Variants in CALD1 observed in about 807,000 individuals in gnomAD.
CALD1 encodes caldesmon 1.
Under a neutral mutation model 99.9 loss-of-function variants are expected in CALD1, and 33 were observed. The ratio of observed to expected loss-of-function variants is 0.33; its 90% confidence interval spans 0.25 to 0.44. CALD1 has a LOEUF of 0.44. CALD1 is among the 20% of genes least tolerant of loss of function. The probability of loss-of-function intolerance (pLI) is 1.00; values close to 1 mark genes in which losing one functional copy is unlikely to be tolerated. For synonymous variants in CALD1, 310 were observed against 325.0 expected (o/e 0.95, Z 0.50); for missense variants, 861 against 962.1 (o/e 0.89, Z 1.39).
intron 3 of CALD1, among the ~76,000 whole-genome samples, chr7:134,880,330 C>A (rs1002699434): frequency 4.6e-5 from 7 of 152,160 alleles, no homozygotes; most frequent in African/African-American, 1.7e-4. Context: ...CAGCAGTCAA[C>A]CCATTTTTTA....
intron 4 of CALD1, 60 bp downstream of exon 4, chr7:134,928,960 G>C (rs1805278428): frequency 7.0e-7 from 1 of 1,427,558 alleles, no homozygotes; most frequent in Non-Finnish European, 9.6e-7. Context: ...CCGTTGAATG[G>C]AATTTGTTGA....
chr7:134,759,338 GA>G (rs1224272168), intron 1 of CALD1, among the ~76,000 whole-genome samples: 1 of 152,196 alleles, frequency 6.6e-6, no homozygotes. Context: ...CAATAGGGGA[GA>G]ATGAGCACAA....
Position 134,958,132 on chromosome 7 carries a change from C to T in CALD1, c.1979+20C>T. 1 of 1,607,952 alleles carries T rather than the reference C, an allele frequency of 6.2e-7. No homozygotes were observed. The highest frequency in any genetic ancestry group is 8.5e-7 in the Non-Finnish European group (1 of 1,174,838). ...GAAAAGGTAAATATGCTTGATGGTT[C>T]AATTGAGCTAATCAGCTAGCATATG... On this transcript the variant is annotated intron_variant, in intron 10 of 14. Coordinates refer to ENST00000361675, the MANE Select transcript of CALD1 (RefSeq NM_033138.4).
At chr7:134,739,664 G>C (rs917680231), upstream of CALD1, among the ~76,000 whole-genome samples, 2 of 152,134 alleles carry the variant, frequency 1.3e-5, no homozygotes, top group Non-Finnish European at 2.9e-5. Flanking sequence ...AGAACAAGAG[G>C]AGAAGGAAGC....
intron 3 of CALD1, among the ~76,000 whole-genome samples, chr7:134,891,963 G>C (rs1242164815): frequency 1.3e-5 from 2 of 152,050 alleles, no homozygotes; most frequent in Non-Finnish European, 2.9e-5. Context: ...GGGTTTCTCC[G>C]TTTCAAATAC....
At position 134,969,311 on chromosome 7, in the gene CALD1, G is replaced by A. The variant is rs189723214; in HGVS notation, c.*966G>A. 2.6e-5 allele frequency: 4 copies of A among 152,272 alleles called. No individual in the cohort carries two copies. The East Asian group carries it at 7.7e-4, about 29-fold the overall frequency. 9.4% of individuals were successfully genotyped at this position (152,272 alleles called of 1,614,324 possible). A position where few individuals can be genotyped will look rare whatever the true frequency, so the allele number is the denominator to read the frequency against. On this transcript the variant is annotated 3_prime_UTR_variant, in exon 15 of 15. Coordinates refer to ENST00000361675, the MANE Select transcript of CALD1 (RefSeq NM_033138.4). Reference sequence around the variant, plus strand: ...GAGTTGAAATTTTCTAAAAGACATAGTATTTAGTTTATAATTAAATGCATT... The same window carrying A: ...GAGTTGAAATTTTCTAAAAGACATAATATTTAGTTTATAATTAAATGCATT...
chr7:134,756,239 T>G (rs1182373773), intron 1 of CALD1, among the ~76,000 whole-genome samples: 2 of 119,226 alleles, frequency 1.7e-5, no homozygotes, highest in Non-Finnish European at 3.2e-5. Flanking sequence ...ACCATTGCAT[T>G]CCAGCCTGGG....
At chr7:134,746,449 G>A (rs562982006) in intron 1 of CALD1, among the ~76,000 whole-genome samples, 3 of 152,242 alleles carry the variant, frequency 2.0e-5, no homozygotes, top group South Asian at 2.1e-4. Flanking sequence ...CAGTCCAAAC[G>A]GTTTAAGACA....
At chr7:134,786,855 T>C (rs983653610) in intron 1 of CALD1, among the ~76,000 whole-genome samples, 3 of 152,204 alleles carry the variant, frequency 2.0e-5, no homozygotes, top group African/African-American at 4.8e-5. Flanking sequence ...TCTGCCTATA[T>C]ACCCATGCAT....
chr7:134,862,247 C>A (rs961013960), intron 2 of CALD1, among the ~76,000 whole-genome samples: 1 of 152,126 alleles, frequency 6.6e-6, no homozygotes, highest in Non-Finnish European at 1.5e-5. Context: ...AAATGGGAAA[C>A]AAATCCTAGA....
At chr7:134,788,004 CCTT>C (rs576941341) in intron 1 of CALD1, among the ~76,000 whole-genome samples, 209 of 152,254 alleles carry the variant, frequency 1.4e-3, no homozygotes, top group African/African-American at 4.8e-3. Context: ...GACTCAGTCT[CCTT>C]CATCTCTAAC....
intron 1 of CALD1, among the ~76,000 whole-genome samples, chr7:134,799,296 TAAC>T (rs1409517699): frequency 6.6e-6 from 1 of 152,122 alleles, no homozygotes; most frequent in East Asian, 1.9e-4. Flanking sequence ...AGCCTCAAAA[TAAC>T]AACAATTTGA....
At chr7:134,955,260 C>T (rs1057301511) in intron 9 of CALD1, among the ~76,000 whole-genome samples, 14 of 152,066 alleles carry the variant, frequency 9.2e-5, no homozygotes, top group South Asian at 2.1e-4. Flanking sequence ...CATGGTGGCG[C>T]GCATCTGTAG....
intron 1 of CALD1, among the ~76,000 whole-genome samples, chr7:134,816,115 T>TG (rs1363816036): frequency 6.6e-6 from 1 of 152,146 alleles, no homozygotes; most frequent in African/African-American, 2.4e-5. Context: ...CCTCCAGGAG[T>TG]AGTCATCTCC....
At chr7:134,798,898 CTTAG>C (rs1797845794) in intron 1 of CALD1, among the ~76,000 whole-genome samples, 1 of 152,190 alleles carries the variant, frequency 6.6e-6, no homozygotes, top group Non-Finnish European at 1.5e-5. Context: ...TGTGGTCTCT[CTTAG>C]TTTTAAATCT....
At chr7:134,758,254 T>G (rs1317176393) in intron 1 of CALD1, among the ~76,000 whole-genome samples, 1 of 152,192 alleles carries the variant, frequency 6.6e-6, no homozygotes, top group East Asian at 1.9e-4. Flanking sequence ...TGAAAACACT[T>G]TAGGGACTTT....
At chr7:134,876,700 G>C (rs1388269647) in intron 3 of CALD1, among the ~76,000 whole-genome samples, 1 of 152,174 alleles carries the variant, frequency 6.6e-6, no homozygotes, top group Non-Finnish European at 1.5e-5. Flanking sequence ...TATATGTTGT[G>C]TTAGCATGAT....
chr7:134,860,700 A>G (rs1800526125), intron 2 of CALD1, among the ~76,000 whole-genome samples: 1 of 152,308 alleles, frequency 6.6e-6, no homozygotes, highest in South Asian at 2.1e-4. Context: ...ACTAATACAA[A>G]TATTTAAAGA....
upstream of CALD1, among the ~76,000 whole-genome samples, chr7:134,775,485 G>A (rs372987088): frequency 2.6e-5 from 4 of 152,318 alleles, no homozygotes; most frequent in African/African-American, 9.6e-5. Context: ...GCCGAGGCGG[G>A]TGGATCAAGA....
Sources: allele counts gnomAD v4.1 joint callset (sites outside exome capture counted in the v4.1 genomes callset), GRCh38; gene constraint gnomAD v4.1.1; transcripts MANE v1.5; gene names NCBI Gene and HGNC (gene_info 2026-07-23, HGNC 2026-07-21).